The following ZNF611 variants were observed in gnomAD, a reference collection of about 807,000 sequenced individuals.
ZNF611 encodes zinc finger protein 611.
In ZNF611, 6 loss-of-function variants were observed where a neutral mutation model predicts 8.9. The ratio of observed to expected loss-of-function variants is 0.68; its 90% CI spans 0.37 to 1.34. The LOEUF (loss-of-function observed/expected upper bound fraction) is 1.34. Among genes scored for constraint, ZNF611 ranks in the 40% most tolerant of loss-of-function variants. The pLI, the probability that ZNF611 is intolerant of heterozygous loss-of-function variation, is 0.02. For synonymous variants in ZNF611, 262 were observed against 279.7 expected, an observed-to-expected ratio of 0.94 and a Z score of 0.63; for missense variants, 874 against 841.3, an observed-to-expected ratio of 1.04 and a Z score of -0.48.
At chr19:52,732,467 TTGAG>T (rs1025295257) in intron 1 of ZNF611, among the ~76,000 whole-genome samples, 3 of 75,870 alleles carry the variant, frequency 4.0e-5, no homozygotes, top group Admixed American at 2.4e-4. Flanking sequence ...ACTCACAGTA[TTGAG>T]TTATTCAGAA....
chr19:52,706,541 T>A lies in ZNF611; in HGVS notation c.514A>T (p.Ile172Phe). Residue 172 changes from isoleucine (I) to phenylalanine (F), a missense_variant, in exon 6 of 6, where the codon ATC becomes TTC. By Grantham distance (21) the Ile-to-Phe change is conservative. Coordinates refer to ENST00000652185, the MANE Select transcript of ZNF611 (RefSeq NM_001161499.2). ...AGTTGATTACCAATTTCACCTTTGATCTGAAATATGTGGAGTTCAGGCAGA... is the reference window on the plus strand; with the variant it reads ...AGTTGATTACCAATTTCACCTTTGAACTGAAATATGTGGAGTTCAGGCAGA... ...SHLPELHIFQ[I>F]KGEIGNQLEK... is the part of the protein sequence containing the mutation. 6.2e-7 allele frequency: 1 copy of A among 1,614,198 alleles called. No homozygotes were observed. The highest frequency in any genetic ancestry group is 8.5e-7 in the Non-Finnish European group (1 of 1,180,038).
intron 2 of ZNF611, among the ~76,000 whole-genome samples, chr19:52,729,629 G>T (rs904258841): frequency 6.6e-6 from 1 of 151,740 alleles, no homozygotes. Flanking sequence ...CAAGTGCAGT[G>T]TATCAGTTAT....
rs780565891 is a variant in ZNF611 at position 52,706,382 on chromosome 19, G to A, written c.673C>T (p.His225Tyr). ...SSLLPQKQEV[H>Y]MREKSFQCNK... ...CATTGGAAAGATTTTTCTCTCATGT[G>A]TACTTCCTGTTTTTGTGGGAGTAAT... Residue 225 changes from histidine (H) to tyrosine (Y), a missense_variant, in exon 6 of 6, where the codon CAC (histidine) becomes TAC (tyrosine). Coordinates refer to ENST00000652185, the MANE Select transcript of ZNF611 (RefSeq NM_001161499.2). 4.3e-6 allele frequency: 7 copies of A among 1,614,058 alleles called. No homozygotes were observed. Among genetic ancestry groups the A allele is most frequent in the Non-Finnish European group, 2.5e-6 (3 of 1,180,042 alleles).
intron 5 of ZNF611, chr19:52,707,562 G>C (rs2062253766): frequency 6.7e-6 from 1 of 149,928 alleles, no homozygotes; most frequent in Non-Finnish European, 1.5e-5. Context: ...AAAAAAAAAA[G>C]TTAATAGAAT....
Position 52,721,330 on chromosome 19 carries a change from G to A in ZNF611, c.-19-5417C>T, listed in dbSNP as rs192079388. On this transcript the variant is annotated intron_variant, in intron 3 of 5. Coordinates refer to ENST00000652185, the MANE Select transcript of ZNF611 (RefSeq NM_001161499.2). ...AGCACTTTGGGAGGCCAAGGCAGGC[G>A]GCTGGGAGGTGGAGGTTGTAGCAAG... The A allele has an allele frequency of 2.6e-4, 48 of 181,900 alleles. No homozygotes were observed. The East Asian group carries it at 5.5e-3, about 21-fold the overall frequency. 11.3% of individuals were successfully genotyped at this position (181,900 alleles called of 1,614,324 possible).
intron 3 of ZNF611, among the ~76,000 whole-genome samples, chr19:52,717,360 A>G (rs1031089659): frequency 6.6e-6 from 1 of 152,208 alleles, no homozygotes; most frequent in Admixed American, 6.5e-5. Flanking sequence ...AAGGACCTAG[A>G]AAAGAAAGGC....
At chr19:52,725,409 G>C (rs111947845) in intron 3 of ZNF611, among the ~76,000 whole-genome samples, 1 of 152,196 alleles carries the variant, frequency 6.6e-6, no homozygotes, top group African/African-American at 2.4e-5. Flanking sequence ...CGCCCAGGGC[G>C]GGAATCCAGC....
chr19:52,705,060 C>G lies in ZNF611; in HGVS notation c.1995G>C (p.Leu665=), dbSNP rs376669635. 3.1e-6 allele frequency: 5 copies of G among 1,614,068 alleles called. No individual in the cohort carries two copies. The highest frequency in any genetic ancestry group is 4.2e-6 in the Non-Finnish European group (5 of 1,180,026). The change falls in exon 6 of 6, where the codon CTG becomes CTC. Residue 665 remains leucine (L), a synonymous_variant. Coordinates refer to ENST00000652185, the MANE Select transcript of ZNF611 (RefSeq NM_001161499.2). The part of the protein sequence containing the change: ...CDKAFVRNSL[L]SRHTRIHTAE... ...CAGTGTGAATTCTGGTATGTCTTGA[C>G]AGGAGTGAATTACGCACGAAAGCCT...
At position 52,706,162 on chromosome 19, in the gene ZNF611, T is replaced by G. The variant is rs148840419; in HGVS notation, c.893A>C (p.Gln298Pro). The G allele has an allele frequency of 6.2e-7, 1 of 1,614,128 alleles. No individual in the cohort carries two copies. The highest frequency in any genetic ancestry group is 1.1e-5 in the South Asian group (1 of 91,080). The change falls in exon 6 of 6, where the codon CAG (glutamine) becomes CCG (proline). Residue 298 changes from glutamine to proline, a missense_variant. Coordinates refer to ENST00000652185, the MANE Select transcript of ZNF611 (RefSeq NM_001161499.2). ...KCKECGKTFS[Q>P]ESSLTCHRRL... is the part of the protein sequence containing the mutation. ...ACGATGGCAGGTAAGGGATGACTCCTGACTGAAGGTCTTGCCACACTCTTT... is the reference window on the plus strand; with the variant it reads ...ACGATGGCAGGTAAGGGATGACTCCGGACTGAAGGTCTTGCCACACTCTTT...
intron 1 of ZNF611, among the ~76,000 whole-genome samples, chr19:52,731,240 T>C (rs139998213): frequency 3.9e-4 from 59 of 152,162 alleles, no homozygotes; most frequent in African/African-American, 1.4e-3. Flanking sequence ...CTAATTTTTG[T>C]ATTTTTGGTA....
intron 3 of ZNF611, among the ~76,000 whole-genome samples, chr19:52,726,306 G>C (rs1032648762): frequency 6.6e-6 from 1 of 152,136 alleles, no homozygotes; most frequent in Non-Finnish European, 1.5e-5. Flanking sequence ...AAGCAGCGGC[G>C]GGAGAATCGC....
chr19:52,731,530 A>C (rs1363601197), intron 1 of ZNF611, among the ~76,000 whole-genome samples: 1 of 151,566 alleles, frequency 6.6e-6, no homozygotes, highest in Non-Finnish European at 1.5e-5. Context: ...CTACCGGCTA[A>C]TTTTTGTATT....
At position 52,711,193 on chromosome 19, in the gene ZNF611, G is replaced by C. The variant is rs1479183284; in HGVS notation, c.190+2822C>G. 2.0e-5 allele frequency: 3 copies of C among 151,780 alleles called. No homozygotes were observed. In the East Asian group the frequency reaches 5.8e-4, roughly 29 times the overall value. 9.4% of individuals were successfully genotyped at this position (151,780 alleles called of 1,614,324 possible). On this transcript the variant is annotated intron_variant, in intron 5 of 5. Transcript: ENST00000652185. ...ACTAAAAATACAAAACTTGCCAGGCGTGGTGGCACTTGCCTGTAATCCCAG... is the reference window on the plus strand; with the variant it reads ...ACTAAAAATACAAAACTTGCCAGGCCTGGTGGCACTTGCCTGTAATCCCAG...
At chr19:52,718,137 C>T (rs751339065) in intron 3 of ZNF611, among the ~76,000 whole-genome samples, 5 of 151,868 alleles carry the variant, frequency 3.3e-5, no homozygotes, top group Non-Finnish European at 5.9e-5. Context: ...GTTAGGAGTT[C>T]GAGACCAGCC....
Position 52,720,686 on chromosome 19 carries a change from C to CACTCCCCACCTCCCA in ZNF611, c.-19-4774_-19-4773insTGGGAGGTGGGGAGT, listed in dbSNP as rs1446017703. On this transcript the variant is annotated intron_variant, in intron 3 of 5. Coordinates refer to ENST00000652185, the MANE Select transcript of ZNF611 (RefSeq NM_001161499.2). ...AGACGGGGCGGCTGCTGGGCAGAGGCGCTCCCCACCTCCCAGATGGCGTGG... is the reference window on the plus strand; with the variant it reads ...AGACGGGGCGGCTGCTGGGCAGAGGCACTCCCCACCTCCCAGCTCCCCACCTCCCAGATGGCGTGG... 2.8e-3 allele frequency among the ~76,000 whole-genome samples: 401 copies of CACTCCCCACCTCCCA among 142,852 alleles called. 6 individuals are homozygous for CACTCCCCACCTCCCA. The highest frequency in any genetic ancestry group is 9.8e-3 in the African/African-American group (370 of 37,830). 93.7% of individuals were successfully genotyped at this position (142,852 alleles called of 152,430 possible).
chr19:52,726,722 G>GT (rs56146245), intron 3 of ZNF611, among the ~76,000 whole-genome samples: 6,549 of 130,164 alleles, frequency 0.05, 255 homozygotes, highest in African/African-American at 0.11. Context: ...TCGGCCTTGT[G>GT]TTTTTTTTTT....
intron 5 of ZNF611, among the ~76,000 whole-genome samples, chr19:52,710,265 CTG>C (rs1450464785): frequency 6.7e-6 from 1 of 148,568 alleles, no homozygotes; most frequent in Admixed American, 6.8e-5. Context: ...GAATCTAACT[CTG>C]TCACCCGGGA....
chr19:52,713,979 G>A (rs1357702302), intron 5 of ZNF611, 36 bp downstream of exon 5: 12 of 1,612,396 alleles, frequency 7.4e-6, no homozygotes, highest in Non-Finnish European at 9.3e-6. Flanking sequence ...ATAGACAAGA[G>A]CAGACTCCTC....
At position 52,704,694 on chromosome 19, in the gene ZNF611, T is replaced by C; in HGVS notation, c.*243A>G. ...TGTGACAATCATTACATTAGTCAAG[T>C]TTCCCTACACCATGAATTGCCTGAT... is the stretch of plus-strand genomic sequence containing the variant. On this transcript the variant is annotated 3_prime_UTR_variant, in exon 6 of 6. Transcript: ENST00000652185. The C allele has an allele frequency of 6.3e-7, 1 of 1,598,992 alleles. No homozygotes were observed. Among genetic ancestry groups the C allele is most frequent in the Admixed American group, 1.7e-5 (1 of 59,726 alleles).
Sources: allele counts gnomAD v4.1 joint callset (sites outside exome capture counted in the v4.1 genomes callset), GRCh38; gene constraint gnomAD v4.1.1; transcripts MANE v1.5; gene names NCBI Gene and HGNC (gene_info 2026-07-23, HGNC 2026-07-21).